The following RBM15B variants were observed in gnomAD, a reference collection of about 807,000 sequenced individuals.
The protein encoded by RBM15B is RNA binding motif protein 15B, also known as putative RNA-binding protein 15B.
RBM15B carries 11 observed loss-of-function variants against 53.3 expected under a neutral mutation model. The observed-to-expected ratio is 0.21, with a 90% CI of 0.13 to 0.34. The LOEUF is 0.34. RBM15B is among the 10% of genes least tolerant of loss of function. The pLI is 1.00. For synonymous variants in RBM15B, 631 were observed against 540.7 expected, an observed-to-expected ratio of 1.17 and a Z score of -2.32; for missense variants, 1,136 against 1,250.3, an observed-to-expected ratio of 0.91 and a Z score of 1.38.
Position 51,394,152 on chromosome 3 carries a change from A to G in RBM15B, c.*80A>G. Reference sequence around the variant, plus strand: ...AATCTGATCCCCTCTCTACCCTACCACTTTGGTTTGAATTATCTCCTGGGT... The same window carrying G: ...AATCTGATCCCCTCTCTACCCTACCGCTTTGGTTTGAATTATCTCCTGGGT... On this transcript the variant is annotated 3_prime_UTR_variant, in exon 1 of 1. Transcript: ENST00000563281. 1 of 1,310,134 alleles carries G rather than the reference A, an allele frequency of 7.6e-7. No individual in the cohort carries two copies. Among genetic ancestry groups the G allele is most frequent in the Non-Finnish European group, 9.8e-7 (1 of 1,021,058 alleles). 81.2% of individuals were successfully genotyped at this position (1,310,134 alleles called of 1,614,324 possible). A position where few individuals can be genotyped will look rare whatever the true frequency, so the allele number is the denominator to read the frequency against.
chr3:51,396,185 T>C lies in RBM15B; in HGVS notation c.*2113T>C, dbSNP rs201828759. ...TCAGGACCCGGAAGAATCATCTACC[T>C]CCCAGCTTTGTGAGACAGAACCAAG... is the stretch of plus-strand genomic sequence containing the variant. On this transcript the variant is annotated 3_prime_UTR_variant, in exon 1 of 1. Coordinates refer to ENST00000563281, the MANE Select transcript of RBM15B (RefSeq NM_013286.5). The C allele has an allele frequency of 5.1e-5, 19 of 369,364 alleles. No homozygotes were observed. In the East Asian group the frequency reaches 7.4e-4, roughly 14 times the overall value. The allele number at this position is 369,364 out of a possible 1,614,324, so 22.9% of individuals were successfully genotyped here.
rs558814151 is a variant in RBM15B at position 51,395,262 on chromosome 3, G to GAAAT, written c.*1193_*1196dup. 103 of 167,156 alleles carry GAAAT rather than the reference G, an allele frequency of 6.2e-4. No individual in the cohort carries two copies. Among genetic ancestry groups the GAAAT allele is most frequent in the South Asian group, 2.1e-4 (1 of 4,834 alleles). The allele number at this position is 167,156 out of a possible 1,614,324, so 10.4% of individuals were successfully genotyped here. A position where few individuals can be genotyped will look rare whatever the true frequency, so the allele number is the denominator to read the frequency against. On this transcript the variant is annotated 3_prime_UTR_variant, in exon 1 of 1. Coordinates refer to ENST00000563281, the MANE Select transcript of RBM15B (RefSeq NM_013286.5). ...CTGATGCCGAGGTGGAGACCATTGG[G>GAAAT]AAATAATTAATAGATATTTTTCTGG...
Position 51,393,847 on chromosome 3 carries a change from G to A in RBM15B, c.2448G>A (p.Leu816=). The A allele has an allele frequency of 1.9e-6, 3 of 1,595,968 alleles. No homozygotes were observed. The highest frequency in any genetic ancestry group is 2.6e-6 in the Non-Finnish European group (3 of 1,172,702). ...GGATGCCCACAGTAGAGCCCGGTCT[G>A]CAGAGGCGGCTTCTCAGGAACCTGG... ...TEGMPTVEPG[L]QRRLLRNLVS... The change falls in exon 1 of 1, where the codon CTG becomes CTA. Residue 816 remains leucine, a synonymous_variant. Transcript: ENST00000563281. The surrounding 1 kb of genome is among the most constrained non-coding windows in gnomAD (Gnocchi z 5.6).
rs782042876 is a variant in RBM15B, at chr3:51,392,972, G to A, written c.1573G>A (p.Ala525Thr). 1.2e-6 allele frequency: 2 copies of A among 1,613,746 alleles called. No homozygotes were observed. Among genetic ancestry groups the A allele is most frequent in the East Asian group, 2.2e-5 (1 of 44,880 alleles). The part of the protein sequence containing the change: ...DGYTRHRNLD[A>T]DLVRDRTPPH... Reference sequence around the variant, plus strand: ...ATACACCCGGCACCGCAACCTGGACGCCGACCTGGTGCGGGACAGGACGCC... The same window carrying A: ...ATACACCCGGCACCGCAACCTGGACACCGACCTGGTGCGGGACAGGACGCC... The change falls in exon 1 of 1, where the codon GCC becomes ACC. Residue 525 changes from alanine to threonine, a missense_variant. Ala to Thr is a moderately conservative substitution (Grantham distance 58). Coordinates refer to ENST00000563281, the MANE Select transcript of RBM15B (RefSeq NM_013286.5). This position sits in a 1 kb window ranked among gnomAD's most constrained non-coding sequence, Gnocchi z 7.5.
chr3:51,397,359 G>A lies in RBM15B; in HGVS notation c.*3287G>A, dbSNP rs561150599. 4.2e-5 allele frequency: 7 copies of A among 167,118 alleles called. No individual in the cohort carries two copies. The highest frequency in any genetic ancestry group is 2.9e-5 in the Non-Finnish European group (2 of 68,116). The allele number at this position is 167,118 out of a possible 1,614,324, so 10.4% of individuals were successfully genotyped here. A position where few individuals can be genotyped will look rare whatever the true frequency, so the allele number is the denominator to read the frequency against. ...GCCTCTGAAGTATCTTTCTACAAAC[G>A]CAGACAAGCTCCACTACCCCTAACC... On this transcript the variant is annotated 3_prime_UTR_variant, in exon 1 of 1. Coordinates refer to ENST00000563281, the MANE Select transcript of RBM15B (RefSeq NM_013286.5).
In RBM15B at chr3:51,391,774, G is replaced by C. The variant is rs782156261; in HGVS notation, c.375G>C (p.Glu125Asp). The change falls in exon 1 of 1, where the codon GAG becomes GAC. Residue 125 changes from glutamate to aspartate, a missense_variant. Coordinates refer to ENST00000563281, the MANE Select transcript of RBM15B (RefSeq NM_013286.5). This position sits in a 1 kb window ranked among gnomAD's most constrained non-coding sequence, Gnocchi z 4.5. The part of the protein sequence containing the change: ...LPPPPPPPGA[E>D]PACPGSSAAA... ...CGCCTCCGCCACCGCCTGGGGCCGA[G>C]CCCGCGTGTCCCGGCTCATCCGCGG... 2 of 1,583,248 alleles carry C rather than the reference G, an allele frequency of 1.3e-6. No homozygotes were observed. The highest frequency in any genetic ancestry group is 1.7e-6 in the Non-Finnish European group (2 of 1,173,400).
chr3:51,392,458 G>A lies in RBM15B; in HGVS notation c.1059G>A (p.Leu353=). The change falls in exon 1 of 1, where the codon CTG becomes CTA. Residue 353 remains leucine (L), a synonymous_variant. Coordinates refer to ENST00000563281, the MANE Select transcript of RBM15B (RefSeq NM_013286.5). This position sits in a 1 kb window ranked among gnomAD's most constrained non-coding sequence, Gnocchi z 7.5. The part of the protein sequence containing the change: ...NLDHSVSEVE[L]RRAFEKYGII... ...ACCACAGCGTATCTGAGGTGGAGCTGCGAAGGGCCTTCGAGAAATATGGCA... is the reference window on the plus strand; with the variant it reads ...ACCACAGCGTATCTGAGGTGGAGCTACGAAGGGCCTTCGAGAAATATGGCA... The A allele has an allele frequency of 6.2e-7, 1 of 1,614,046 alleles. No individual in the cohort carries two copies. Among genetic ancestry groups the A allele is most frequent in the Non-Finnish European group, 8.5e-7 (1 of 1,180,052 alleles).
In RBM15B at chr3:51,392,694, C is replaced by A. The variant is rs781873510; in HGVS notation, c.1295C>A (p.Ala432Glu). The change falls in exon 1 of 1, where the codon GCG becomes GAG. Residue 432 changes from alanine (A) to glutamate (E), a missense_variant. By Grantham distance (107) the Ala-to-Glu change is moderately radical. This residue lies in a region of RBM15B where 45 missense variants were observed against 80.7 expected (regional missense o/e 0.56). Transcript: ENST00000563281. The surrounding 1 kb of genome is among the most constrained non-coding windows in gnomAD (Gnocchi z 7.5). ...GGCCTGGGACCTAACACGTCACTGG[C>A]GGCTCTGGCCCGAGAGTTTGACCGC... ...VGGLGPNTSL[A>E]ALAREFDRFG... The A allele has an allele frequency of 1.2e-6, 2 of 1,613,968 alleles. No homozygotes were observed. The highest frequency in any genetic ancestry group is 1.7e-5 in the Admixed American group (1 of 60,006).
Position 51,392,428 on chromosome 3 carries a change from C to A in RBM15B, c.1029C>A (p.Asn343Lys), listed in dbSNP as rs781963526. ...CCACGCGCAACCTCTTCATTGGTAA[C>A]CTGGACCACAGCGTATCTGAGGTGG... Reference protein sequence around the residue: ...QRATRNLFIGNLDHSVSEVEL... With the variant: ...QRATRNLFIGKLDHSVSEVEL... The change falls in exon 1 of 1, where the codon AAC becomes AAA. Residue 343 changes from asparagine (N) to lysine (K), a missense_variant. Asn to Lys is a moderately conservative substitution (Grantham distance 94). This residue lies in a region of RBM15B where 40 missense variants were observed against 74.2 expected (regional missense o/e 0.54). Coordinates refer to ENST00000563281, the MANE Select transcript of RBM15B (RefSeq NM_013286.5). The surrounding 1 kb of genome is among the most constrained non-coding windows in gnomAD (Gnocchi z 7.5). 6.2e-7 allele frequency: 1 copy of A among 1,614,066 alleles called. No individual in the cohort carries two copies. Among genetic ancestry groups the A allele is most frequent in the South Asian group, 1.1e-5 (1 of 91,092 alleles).
Position 51,393,880 on chromosome 3 carries a change from C to A in RBM15B, c.2481C>A (p.Tyr827Ter). Residue 827 changes from tyrosine to a stop codon, truncating the protein, a stop_gained, in exon 1 of 1, where the codon TAC becomes TAA. Coordinates refer to ENST00000563281, the MANE Select transcript of RBM15B (RefSeq NM_013286.5). LOFTEE classifies it high-confidence loss of function. The surrounding 1 kb of genome is among the most constrained non-coding windows in gnomAD (Gnocchi z 5.6). ...QRRLLRNLVS[Y>*]LKQKQAAGVI... ...GGCTTCTCAGGAACCTGGTCTCCTA[C>A]TTGAAACAGAAGCAGGCCGCAGGGG... 1 of 1,577,260 alleles carries A rather than the reference C, an allele frequency of 6.3e-7. No individual in the cohort carries two copies.
Position 51,393,355 on chromosome 3 carries a change from C to T in RBM15B, c.1956C>T (p.Ser652=), listed in dbSNP as rs2089073152. The T allele has an allele frequency of 1.2e-6, 2 of 1,612,962 alleles. No individual in the cohort carries two copies. The highest frequency in any genetic ancestry group is 1.7e-6 in the Non-Finnish European group (2 of 1,179,638). The stretch of plus-strand genomic sequence containing the variant: ...GGACCAAGGAGTCCAGCAGCAACTC[C>T]CTCAGCAACAGCAGACATGGGGCTG... ...SEGTKESSSN[S]LSNSRHGAEE... is the part of the protein sequence containing the mutation. Residue 652 remains serine, a synonymous_variant, in exon 1 of 1, where the codon TCC becomes TCT. Transcript: ENST00000563281. The surrounding 1 kb of genome is among the most constrained non-coding windows in gnomAD (Gnocchi z 5.6).
Position 51,395,996 on chromosome 3 carries a change from C to A in RBM15B, c.*1924C>A, listed in dbSNP as rs1230796971. On this transcript the variant is annotated 3_prime_UTR_variant, in exon 1 of 1. Transcript: ENST00000563281. ...CGCCACCATTCCAGGGTAGCTGGTA[C>A]CGCCAGAAACAGGAGTGGGTCTTGT... The A allele has an allele frequency of 2.4e-6, 1 of 413,046 alleles. No homozygotes were observed. Among genetic ancestry groups the A allele is most frequent in the Non-Finnish European group, 4.4e-6 (1 of 226,060 alleles). 25.6% of individuals were successfully genotyped at this position (413,046 alleles called of 1,614,324 possible).
Position 51,391,299 on chromosome 3 carries a change from T to C in RBM15B, c.-101T>C, listed in dbSNP as rs2089031774. 1.0e-6 allele frequency: 1 copy of C among 985,070 alleles called. No individual in the cohort carries two copies. The highest frequency in any genetic ancestry group is 1.3e-6 in the Non-Finnish European group (1 of 785,610). 61.0% of individuals were successfully genotyped at this position (985,070 alleles called of 1,614,324 possible). A position where few individuals can be genotyped will look rare whatever the true frequency, so the allele number is the denominator to read the frequency against. On this transcript the variant is annotated 5_prime_UTR_variant, in exon 1 of 1. Transcript: ENST00000563281. This position sits in a 1 kb window ranked among gnomAD's most constrained non-coding sequence, Gnocchi z 4.5. ...CCGCCACCGCCGCGCCGAGTCCTTT[T>C]GTCCAAGATGGCGGCGCCGGGGGCG...
rs1553621605 is a variant in RBM15B at position 51,391,879 on chromosome 3, C to T, written c.480C>T (p.Phe160=). 6.2e-7 allele frequency: 1 copy of T among 1,604,036 alleles called. No homozygotes were observed. Among genetic ancestry groups the T allele is most frequent in the Admixed American group, 1.7e-5 (1 of 59,996 alleles). Residue 160 remains phenylalanine (F), a synonymous_variant, in exon 1 of 1, where the codon TTC becomes TTT. Transcript: ENST00000563281. The surrounding 1 kb of genome is among the most constrained non-coding windows in gnomAD (Gnocchi z 4.5). ...LPAEHLEDRL[F]HQFKRFGEIS... ...CCGAGCACCTCGAGGACCGGCTCTTCCACCAGTTCAAGCGCTTCGGCGAGA... is the reference window on the plus strand; with the variant it reads ...CCGAGCACCTCGAGGACCGGCTCTTTCACCAGTTCAAGCGCTTCGGCGAGA...
At position 51,397,104 on chromosome 3, in the gene RBM15B, C is replaced by T. The variant is rs1392778259; in HGVS notation, c.*3032C>T. 5 of 167,090 alleles carry T rather than the reference C, an allele frequency of 3.0e-5. No homozygotes were observed. Among genetic ancestry groups the T allele is most frequent in the Non-Finnish European group, 7.3e-5 (5 of 68,128 alleles). The allele number at this position is 167,090 out of a possible 1,614,324, so 10.4% of individuals were successfully genotyped here. Reference sequence around the variant, plus strand: ...TTGTGTTTCTTGTTTACTTCACAACCAAATTTGTCCCCTCTTCTCTCTGTT... The same window carrying T: ...TTGTGTTTCTTGTTTACTTCACAACTAAATTTGTCCCCTCTTCTCTCTGTT... On this transcript the variant is annotated 3_prime_UTR_variant, in exon 1 of 1. Transcript: ENST00000563281.
In RBM15B at chr3:51,391,700, G is replaced by A. The variant is rs781858692; in HGVS notation, c.301G>A (p.Gly101Arg). Reference protein sequence around the residue: ...GGGGRGGKASGDPGASGMSPR... With the variant: ...GGGGRGGKASRDPGASGMSPR... ...CGGGGGACGCGGCGGCAAGGCCTCG[G>A]GGGACCCGGGCGCCTCCGGCATGTC... The change falls in exon 1 of 1, where the codon GGG (glycine) becomes AGG (arginine). Residue 101 changes from glycine to arginine, a missense_variant. Physicochemically the swap from Gly to Arg is moderately radical, Grantham distance 125. Around this residue, in one of 7 missense-constraint regions of RBM15B, gnomAD observed 257 missense variants for 261.1 expected, o/e 0.98. Transcript: ENST00000563281. The surrounding 1 kb of genome is among the most constrained non-coding windows in gnomAD (Gnocchi z 4.5). 152 of 1,351,028 alleles carry A rather than the reference G, an allele frequency of 1.1e-4. No homozygotes were observed. Among genetic ancestry groups the A allele is most frequent in the Non-Finnish European group, 8.1e-5 (86 of 1,057,882 alleles). The allele number at this position is 1,351,028 out of a possible 1,614,324, so 83.7% of individuals were successfully genotyped here.
In RBM15B at chr3:51,394,166, T is replaced by TATC. The variant is rs2089095784; in HGVS notation, c.*95_*97dup. Reference sequence around the variant, plus strand: ...TCTACCCTACCACTTTGGTTTGAATTATCTCCTGGGTTATTTTGGTTCATT... The same window carrying TATC: ...TCTACCCTACCACTTTGGTTTGAATTATCATCTCCTGGGTTATTTTGGTTCATT... On this transcript the variant is annotated 3_prime_UTR_variant, in exon 1 of 1. Transcript: ENST00000563281. 2.3e-6 allele frequency: 3 copies of TATC among 1,293,458 alleles called. No individual in the cohort carries two copies. The highest frequency in any genetic ancestry group is 1.5e-5 in the African/African-American group (1 of 66,252). 80.1% of individuals were successfully genotyped at this position (1,293,458 alleles called of 1,614,324 possible).
rs781988826 is a variant in RBM15B, at chr3:51,397,687, CTG to C, written c.*3618_*3619del. On this transcript the variant is annotated 3_prime_UTR_variant, in exon 1 of 1. Coordinates refer to ENST00000563281, the MANE Select transcript of RBM15B (RefSeq NM_013286.5). ...GAGAGCTACACGGCAGGGGCAGACA[CTG>C]TGAGTATAAGCTACTTTCCTCCCTG... 1 of 166,270 alleles carries C rather than the reference CTG, an allele frequency of 6.0e-6. No individual in the cohort carries two copies. Among genetic ancestry groups the C allele is most frequent in the Non-Finnish European group, 1.5e-5 (1 of 68,152 alleles). 10.3% of individuals were successfully genotyped at this position (166,270 alleles called of 1,614,324 possible).
At position 51,393,436 on chromosome 3, in the gene RBM15B, G is replaced by T; in HGVS notation, c.2037G>T (p.Lys679Asn). 1 of 1,613,892 alleles carries T rather than the reference G, an allele frequency of 6.2e-7. No individual in the cohort carries two copies. The highest frequency in any genetic ancestry group is 8.5e-7 in the Non-Finnish European group (1 of 1,179,962). The change falls in exon 1 of 1, where the codon AAG (lysine) becomes AAT (asparagine). Residue 679 changes from lysine to asparagine, a missense_variant. By Grantham distance (94) the Lys-to-Asn change is moderately conservative. This residue lies in a region of RBM15B where 578 missense variants were observed against 581.6 expected (regional missense o/e 0.99). Transcript: ENST00000563281. This position sits in a 1 kb window ranked among gnomAD's most constrained non-coding sequence, Gnocchi z 5.6. Reference protein sequence around the residue: ...HHEAADSSHGKKARDSERNHR... With the variant: ...HHEAADSSHGNKARDSERNHR... ...AGGCTGCAGACTCTTCCCACGGGAA[G>T]AAGGCAAGAGACAGCGAGCGCAATC...
Sources: gnomAD v4.1 joint callset for allele counts on GRCh38, gnomAD v4.1.1 for gene constraint, gnomAD v4.1.1 regional missense constraint, Gnocchi (gnomAD v3.1) non-coding constraint, MANE v1.5 for transcripts, NCBI Gene and HGNC (gene_info 2026-07-23, HGNC 2026-07-21) for gene names.